CROT: variants seen among roughly 807,000 people sequenced by gnomAD.
CROT encodes the protein peroxisomal carnitine O-octanoyltransferase.
A neutral mutation model predicts 89.2 loss-of-function variants in CROT; 84 were observed. The ratio of observed to expected loss-of-function variants is 0.94; its 90% CI spans 0.79 to 1.13. The LOEUF (loss-of-function observed/expected upper bound fraction) is 1.13, where lower values mean the gene tolerates loss of function less well. Among genes scored for constraint, CROT ranks in the 50% most tolerant of loss-of-function variants. The pLI, the probability that CROT is intolerant of heterozygous loss-of-function variation, is 0.00. For synonymous variants in CROT, 212 were observed against 239.5 expected (o/e 0.89, Z 1.06); for missense variants, 711 against 727.8 (o/e 0.98, Z 0.27).
intron 6 of CROT, among the ~76,000 whole-genome samples, chr7:87,368,047 A>C (rs1806502926): frequency 1.3e-5 from 2 of 152,160 alleles, no homozygotes; most frequent in Admixed American, 1.3e-4. Flanking sequence ...GGCCAGTATA[A>C]TCGGGTCTCA....
intron 17 of CROT, among the ~76,000 whole-genome samples, chr7:87,398,034 G>C (rs1807598747): frequency 6.6e-6 from 1 of 150,958 alleles, no homozygotes; most frequent in Non-Finnish European, 1.5e-5. Flanking sequence ...TGGAAGGCAT[G>C]ACTTGATCCC....
intron 3 of CROT, chr7:87,357,374 C>G: frequency 8.4e-7 from 1 of 1,185,048 alleles, no homozygotes; most frequent in Middle Eastern, 1.9e-4. Flanking sequence ...CCTAGAGACT[C>G]TAACCCCATT....
Position 87,398,647 on chromosome 7 carries a change from A to G in CROT, c.*3A>G. The G allele has an allele frequency of 6.2e-7, 1 of 1,612,632 alleles. No individual in the cohort carries two copies. The highest frequency in any genetic ancestry group is 2.2e-5 in the East Asian group (1 of 44,834). On this transcript the variant is annotated 3_prime_UTR_variant, in exon 18 of 18. Coordinates refer to ENST00000331536, the MANE Select transcript of CROT (RefSeq NM_021151.4). ...TGATGAACTCTACTCATCTTTAGAG[A>G]TGAATCATCTATTAAGCACTTACCA... is the stretch of plus-strand genomic sequence containing the variant.
At chr7:87,361,155 G>T (rs886650509) in intron 4 of CROT, among the ~76,000 whole-genome samples, 3 of 151,398 alleles carry the variant, frequency 2.0e-5, no homozygotes, top group Non-Finnish European at 2.9e-5. Flanking sequence ...TAGAGACAGG[G>T]TCTTTCTATG....
intron 7 of CROT, chr7:87,375,266 T>C (rs1342065515): frequency 1.6e-5 from 3 of 186,572 alleles, no homozygotes. Flanking sequence ...ACATTATATT[T>C]GTGAAATTGA....
At chr7:87,348,326 G>A (rs759905920) in intron 2 of CROT, among the ~76,000 whole-genome samples, 16 of 152,130 alleles carry the variant, frequency 1.1e-4, no homozygotes, top group Admixed American at 5.9e-4. Context: ...ATTAATACAC[G>A]TGTCAATATG....
chr7:87,380,897 C>T (rs750309892), intron 10 of CROT, among the ~76,000 whole-genome samples: 16 of 152,226 alleles, frequency 1.1e-4, no homozygotes, highest in African/African-American at 3.4e-4. Flanking sequence ...GGTTTGTCAG[C>T]GACCTGTGAG....
At chr7:87,348,339 C>T (rs1298696759) in intron 2 of CROT, among the ~76,000 whole-genome samples, 2 of 152,104 alleles carry the variant, frequency 1.3e-5, no homozygotes, top group African/African-American at 4.8e-5. Context: ...TCAATATGTT[C>T]AAGATTGCTT....
Position 87,382,122 on chromosome 7 carries a change from A to T in CROT, c.1111A>T (p.Ile371Phe), listed in dbSNP as rs1421597878. The change falls in exon 12 of 18, where the codon ATT becomes TTT. Residue 371 changes from isoleucine to phenylalanine, a missense_variant. By Grantham distance (21) the Ile-to-Phe change is conservative. Coordinates refer to ENST00000331536, the MANE Select transcript of CROT (RefSeq NM_021151.4). ...ACCACTTCCAGAAGAGCTCATTTTC[A>T]TTGTGGATGAGAAAGTTTTAAATGA... ...DIPLPEELIF[I>F]VDEKVLNDIN... 6.2e-7 allele frequency: 1 copy of T among 1,613,628 alleles called. No homozygotes were observed. Among genetic ancestry groups the T allele is most frequent in the Admixed American group, 1.7e-5 (1 of 59,994 alleles).
At chr7:87,390,496 A>T (rs1172644247) in intron 13 of CROT, among the ~76,000 whole-genome samples, 1 of 152,156 alleles carries the variant, frequency 6.6e-6, no homozygotes, top group Non-Finnish European at 1.5e-5. Context: ...CACACTTTGA[A>T]GGGATACCAT....
At chr7:87,360,377 G>T (rs1376994312) in intron 4 of CROT, among the ~76,000 whole-genome samples, 1 of 152,206 alleles carries the variant, frequency 6.6e-6, no homozygotes, top group East Asian at 1.9e-4. Flanking sequence ...GTCTTGCTCT[G>T]TTGCCCAGGC....
At chr7:87,395,277 T>A (rs911238701) in intron 17 of CROT, among the ~76,000 whole-genome samples, 1 of 149,428 alleles carries the variant, frequency 6.7e-6, no homozygotes, top group Non-Finnish European at 1.5e-5. Flanking sequence ...CAGGTTTTTC[T>A]GCCTGCTTTA....
chr7:87,383,678 G>A (rs1034426572), intron 13 of CROT, among the ~76,000 whole-genome samples: 1 of 151,942 alleles, frequency 6.6e-6, no homozygotes, highest in Non-Finnish European at 1.5e-5. Flanking sequence ...TATAGTTTTA[G>A]TAGAGATGGG....
chr7:87,382,353 C>A, intron 12 of CROT, 60 bp from the exon 13 acceptor site: 1 of 1,562,044 alleles, frequency 6.4e-7, no homozygotes, highest in Non-Finnish European at 8.7e-7. Context: ...TAATTTGCTT[C>A]TCTTTGGTGT....
At chr7:87,387,931 G>T (rs566805125) in intron 13 of CROT, among the ~76,000 whole-genome samples, 1 of 152,172 alleles carries the variant, frequency 6.6e-6, no homozygotes, top group Non-Finnish European at 1.5e-5. Flanking sequence ...CAGCCTGGGC[G>T]ACAGAGCAAG....
At chr7:87,359,572 A>G (rs1187880586) in intron 4 of CROT, 1 of 1,243,626 alleles carries the variant, frequency 8.0e-7, no homozygotes, top group Admixed American at 4.2e-5. Context: ...AATGAGGCCC[A>G]GAGATTCTTA....
At chr7:87,392,923 A>T in intron 16 of CROT, 25 bp from the exon 17 acceptor site, 1 of 1,612,846 alleles carries the variant, frequency 6.2e-7, no homozygotes, top group Non-Finnish European at 8.5e-7. Flanking sequence ...GGCCTAGTAA[A>T]ATGTTCTTTT....
At chr7:87,362,477 G>A (rs979477769) in intron 6 of CROT, among the ~76,000 whole-genome samples, 28 of 151,846 alleles carry the variant, frequency 1.8e-4, no homozygotes, top group African/African-American at 6.5e-4. Flanking sequence ...TGTATTTTTT[G>A]TAGAGATGGA....
chr7:87,367,770 A>G (rs777083402), intron 6 of CROT, among the ~76,000 whole-genome samples: 1 of 152,062 alleles, frequency 6.6e-6, no homozygotes, highest in African/African-American at 2.4e-5. Context: ...CCAGTCTGTA[A>G]TATCTTCCAT....
Sources: gnomAD v4.1 joint callset for allele counts (sites outside exome capture counted in the v4.1 genomes callset) on GRCh38, gnomAD v4.1.1 for gene constraint, MANE v1.5 for transcripts, NCBI Gene and HGNC (gene_info 2026-07-23, HGNC 2026-07-21) for gene names.